Variants in KCNB2 observed in about 807,000 individuals in gnomAD.
KCNB2 encodes the protein delayed rectifier potassium channel protein.
A neutral mutation model predicts 61.5 loss-of-function variants in KCNB2; 15 were observed. The observed-to-expected ratio is 0.24, with a 90% CI of 0.16 to 0.38. The LOEUF is 0.38. Ranked by LOEUF, KCNB2 falls within the 10% of genes least tolerant of loss-of-function variation. The pLI is 1.00. For missense variants in KCNB2, 828 were observed against 1,125.2 expected (o/e 0.74, Z 3.78); for synonymous variants, 457 against 446.0 (o/e 1.02, Z -0.31).
chr8:72,900,129 G>T (rs1806063419), intron 2 of KCNB2, among the ~76,000 whole-genome samples: 1 of 151,822 alleles, frequency 6.6e-6, no homozygotes, highest in South Asian at 2.1e-4. Context: ...AAAACAGCAG[G>T]GTCTGATACA....
At chr8:72,580,779 A>T (rs1318919422) in intron 2 of KCNB2, among the ~76,000 whole-genome samples, 1 of 152,164 alleles carries the variant, frequency 6.6e-6, no homozygotes, top group African/African-American at 2.4e-5. Flanking sequence ...GACCTTGATC[A>T]TCTCATGCTT....
chr8:72,552,172 G>A (rs1490599298), intron 1 of KCNB2, among the ~76,000 whole-genome samples: 1 of 152,202 alleles, frequency 6.6e-6, no homozygotes, highest in African/African-American at 2.4e-5. Context: ...TGGGAGTAGA[G>A]GTAGAAGGTG....
At chr8:72,569,289 T>G (rs938278588) in intron 2 of KCNB2, among the ~76,000 whole-genome samples, 1 of 152,156 alleles carries the variant, frequency 6.6e-6, no homozygotes, top group Non-Finnish European at 1.5e-5. Context: ...ATCACATGAA[T>G]TCTTTTGATT....
At chr8:72,907,881 G>C (rs188022655) in intron 2 of KCNB2, among the ~76,000 whole-genome samples, 1 of 152,082 alleles carries the variant, frequency 6.6e-6, no homozygotes, top group Non-Finnish European at 1.5e-5. Context: ...GAATTAATAA[G>C]TTCTTACATT....
chr8:72,725,549 ATATATATG>A (rs1313554818), intron 2 of KCNB2, among the ~76,000 whole-genome samples: 1 of 90,588 alleles, frequency 1.1e-5, no homozygotes, highest in Non-Finnish European at 2.2e-5. Flanking sequence ...ATGTGTGTAT[ATATATATG>A]TATATATGTA....
rs1806610136 is a variant in KCNB2, at chr8:72,565,515, C to T, written c.-93-2127C>T. 8.6e-5 allele frequency among the ~76,000 whole-genome samples: 13 copies of T among 152,002 alleles called. 1 individual carries two copies. Among genetic ancestry groups the T allele is most frequent in the Admixed American group, 8.5e-4 (13 of 15,246 alleles). On this transcript the variant is annotated intron_variant, in intron 1 of 2. Transcript: ENST00000523207. ...GAAGCTCTATGATTTTCTGCAAAAA[C>T]ATTATAGGGGAAGATAACTAAGAAG... is the stretch of plus-strand genomic sequence containing the variant.
At chr8:72,903,502 G>A (rs1176336216) in intron 2 of KCNB2, among the ~76,000 whole-genome samples, 2 of 152,168 alleles carry the variant, frequency 1.3e-5, no homozygotes, top group Non-Finnish European at 2.9e-5. Flanking sequence ...GATCTCTTGA[G>A]CCCAGGAGGT....
At chr8:72,785,308 A>T (rs773282760) in intron 2 of KCNB2, among the ~76,000 whole-genome samples, 5 of 152,160 alleles carry the variant, frequency 3.3e-5, no homozygotes, top group Non-Finnish European at 7.4e-5. Flanking sequence ...AAAGGCAGGG[A>T]AAAAAGCAAT....
chr8:72,760,628 A>G (rs1029728593), intron 2 of KCNB2, among the ~76,000 whole-genome samples: 1 of 152,214 alleles, frequency 6.6e-6, no homozygotes, highest in Non-Finnish European at 1.5e-5. Context: ...ATGAAATTTA[A>G]AAACTATTGT....
chr8:72,790,745 C>T (rs963187286), intron 2 of KCNB2, among the ~76,000 whole-genome samples: 7 of 152,072 alleles, frequency 4.6e-5, no homozygotes, highest in Non-Finnish European at 1.0e-4. Context: ...TTAAAGTTTT[C>T]ATTTGCTAGT....
intron 2 of KCNB2, among the ~76,000 whole-genome samples, chr8:72,762,881 A>AT (rs1808404415): frequency 2.2e-5 from 2 of 91,136 alleles, no homozygotes; most frequent in African/African-American, 1.0e-4. Context: ...TCATATTAAC[A>AT]AATATATATA....
chr8:72,819,530 G>T (rs1809457359), intron 2 of KCNB2, among the ~76,000 whole-genome samples: 1 of 152,090 alleles, frequency 6.6e-6, no homozygotes, highest in African/African-American at 2.4e-5. Flanking sequence ...TCTGTTGCAT[G>T]AGATAATATC....
At chr8:72,820,764 A>G (rs1343621562) in intron 2 of KCNB2, among the ~76,000 whole-genome samples, 3 of 152,002 alleles carry the variant, frequency 2.0e-5, no homozygotes, top group African/African-American at 4.8e-5. Flanking sequence ...TTCTTATCCC[A>G]CTTCTGATCC....
chr8:72,562,721 T>C (rs562113997), intron 1 of KCNB2, among the ~76,000 whole-genome samples: 1 of 152,352 alleles, frequency 6.6e-6, no homozygotes, highest in South Asian at 2.1e-4. Context: ...CATTGAATTA[T>C]TGCATTTTAT....
At chr8:72,581,987 G>T (rs114894602) in intron 2 of KCNB2, among the ~76,000 whole-genome samples, 1 of 152,170 alleles carries the variant, frequency 6.6e-6, no homozygotes, top group Non-Finnish European at 1.5e-5. Context: ...CAGATGGATA[G>T]ATCATTTATT....
intron 2 of KCNB2, among the ~76,000 whole-genome samples, chr8:72,885,703 T>A (rs1805794570): frequency 6.6e-6 from 1 of 152,092 alleles, no homozygotes; most frequent in Admixed American, 6.6e-5. Flanking sequence ...CTCTCTTCCC[T>A]CCCTCTTTCT....
At chr8:72,645,609 G>C (rs748331495) in intron 2 of KCNB2, among the ~76,000 whole-genome samples, 38 of 152,158 alleles carry the variant, frequency 2.5e-4, no homozygotes, top group Non-Finnish European at 4.9e-4. Context: ...ATGGGTGGCT[G>C]TGTTCTTCTG....
chr8:72,765,989 T>G (rs1808455994), intron 2 of KCNB2, among the ~76,000 whole-genome samples: 1 of 152,242 alleles, frequency 6.6e-6, no homozygotes, highest in Admixed American at 6.5e-5. Flanking sequence ...TTTTTCTCTT[T>G]CATTCTTAAT....
intron 2 of KCNB2, among the ~76,000 whole-genome samples, chr8:72,887,270 G>A (rs1303282523): frequency 6.6e-6 from 1 of 152,170 alleles, no homozygotes; most frequent in Non-Finnish European, 1.5e-5. Flanking sequence ...TTCTACATCT[G>A]AAAGTTGGTC....
Sources: gnomAD v4.1 joint callset for allele counts (sites outside exome capture counted in the v4.1 genomes callset) on GRCh38, gnomAD v4.1.1 for gene constraint, MANE v1.5 for transcripts, NCBI Gene and HGNC (gene_info 2026-07-23, HGNC 2026-07-21) for gene names.